Variants in ADGRB3 observed in about 807,000 individuals in gnomAD.
ADGRB3 encodes the protein brain-specific angiogenesis inhibitor 3.
ADGRB3 carries 37 observed loss-of-function variants against 193.4 expected under a neutral mutation model. That is an observed-to-expected ratio of 0.19 (90% CI 0.15 to 0.25). ADGRB3 has a LOEUF of 0.25. Among genes scored for constraint, ADGRB3 ranks in the 10% least tolerant of loss-of-function variants. ADGRB3 has a pLI of 1.00. For synonymous variants in ADGRB3, 690 were observed against 644.2 expected (o/e 1.07, Z -1.08); for missense variants, 1,637 against 1,852.9 (o/e 0.88, Z 2.14).
At chr6:69,135,889 G>A (rs572842038) in intron 17 of ADGRB3, among the ~76,000 whole-genome samples, 1 of 152,042 alleles carries the variant, frequency 6.6e-6, no homozygotes. Flanking sequence ...AACAGAAAAT[G>A]CTCCCTCTAC....
At chr6:69,036,874 G>T (rs1482422808) in intron 13 of ADGRB3, among the ~76,000 whole-genome samples, 1 of 152,122 alleles carries the variant, frequency 6.6e-6, no homozygotes, top group African/African-American at 2.4e-5. Flanking sequence ...TAGGAGCGCT[G>T]GCCAGCCATT....
At chr6:68,972,507 T>C (rs909263873) in intron 8 of ADGRB3, among the ~76,000 whole-genome samples, 1 of 152,150 alleles carries the variant, frequency 6.6e-6, no homozygotes, top group African/African-American at 2.4e-5. Context: ...GGATTCAATA[T>C]GTAATAAAGT....
At chr6:68,700,422 A>G (rs1041801695) in intron 3 of ADGRB3, among the ~76,000 whole-genome samples, 1 of 152,124 alleles carries the variant, frequency 6.6e-6, no homozygotes, top group South Asian at 2.1e-4. Flanking sequence ...AAACGGTTGG[A>G]ATCAATTTAG....
In ADGRB3 at chr6:68,753,632, G is replaced by A. The variant is rs374695938; in HGVS notation, c.757+114200G>A. Among the ~76,000 whole-genome samples, 8 of 152,190 alleles carry A rather than the reference G, an allele frequency of 5.3e-5. No homozygotes were observed. The East Asian group carries it at 5.8e-4, about 11-fold the overall frequency. ...TCTTTAATAGAGAGGGGCAAGTAAC[G>A]GGAATATGAAGAACGTGACAGACTG... On this transcript the variant is annotated intron_variant, in intron 3 of 31. Transcript: ENST00000370598.
chr6:69,113,211 G>T (rs951482338), intron 17 of ADGRB3, among the ~76,000 whole-genome samples: 1 of 151,676 alleles, frequency 6.6e-6, no homozygotes, highest in Non-Finnish European at 1.5e-5. Context: ...CTATACATAT[G>T]TATATGTACA....
At chr6:69,072,878 T>A (rs1002350781) in intron 16 of ADGRB3, among the ~76,000 whole-genome samples, 4 of 152,218 alleles carry the variant, frequency 2.6e-5, no homozygotes, top group Non-Finnish European at 2.9e-5. Context: ...ACAAGCTATA[T>A]GAAAAATTCA....
chr6:69,324,696 A>G (rs1768531263), intron 20 of ADGRB3, among the ~76,000 whole-genome samples, 176 bp from the exon 21 acceptor site: 1 of 152,174 alleles, frequency 6.6e-6, no homozygotes, highest in East Asian at 1.9e-4. Context: ...TAAATACTGT[A>G]TAGAGCATAA....
rs1166347810 is a variant in ADGRB3, at chr6:68,814,285, A to G, written c.758-116274A>G. ...GAGATGGTATCTCATTGTGCTTTTG[A>G]TTTGCATTTCTCTGATGGCCAGTGA... On this transcript the variant is annotated intron_variant, in intron 3 of 31. Transcript: ENST00000370598. Among the ~76,000 whole-genome samples, 6 of 152,016 alleles carry G rather than the reference A, an allele frequency of 3.9e-5. No homozygotes were observed. The East Asian group carries it at 1.2e-3, about 29-fold the overall frequency.
At chr6:68,940,765 G>A (rs777420902) in intron 5 of ADGRB3, among the ~76,000 whole-genome samples, 3 of 151,838 alleles carry the variant, frequency 2.0e-5, no homozygotes, top group Non-Finnish European at 2.9e-5. Flanking sequence ...GGTGCCGCGC[G>A]CCTGTAATCC....
intron 16 of ADGRB3, among the ~76,000 whole-genome samples, chr6:69,071,078 C>T (rs942328716): frequency 6.6e-6 from 1 of 152,172 alleles, no homozygotes; most frequent in Non-Finnish European, 1.5e-5. Flanking sequence ...ATCCTTGTAT[C>T]ACAGTGCCTT....
intron 10 of ADGRB3, among the ~76,000 whole-genome samples, chr6:68,993,514 G>T (rs976438585): frequency 1.3e-5 from 2 of 152,094 alleles, no homozygotes; most frequent in Admixed American, 6.6e-5. Context: ...CAAATGTGTT[G>T]AATTGTGTGT....
intron 3 of ADGRB3, among the ~76,000 whole-genome samples, chr6:68,769,631 T>G (rs940431576): frequency 3.9e-5 from 6 of 152,128 alleles, no homozygotes; most frequent in African/African-American, 1.4e-4. Flanking sequence ...GCCACGTGTA[T>G]ACCTATGTAA....
At chr6:69,261,798 T>A (rs1051556561) in intron 20 of ADGRB3, among the ~76,000 whole-genome samples, 3 of 152,034 alleles carry the variant, frequency 2.0e-5, no homozygotes, top group Non-Finnish European at 4.4e-5. Flanking sequence ...AGGAAAGTTT[T>A]ATGGTAGATA....
chr6:69,354,689 A>G (rs1302305199), intron 27 of ADGRB3, among the ~76,000 whole-genome samples: 2 of 152,226 alleles, frequency 1.3e-5, no homozygotes, highest in Non-Finnish European at 2.9e-5. Context: ...TCTTGGCCTT[A>G]GTGAAACATT....
chr6:69,281,227 A>G (rs894446496), intron 20 of ADGRB3, among the ~76,000 whole-genome samples: 3 of 152,108 alleles, frequency 2.0e-5, no homozygotes, highest in Admixed American at 6.5e-5. Flanking sequence ...GAGTGGTGAA[A>G]ACATCCTCTG....
chr6:69,075,901 G>A, intron 16 of ADGRB3, 94 bp from the exon 17 acceptor site: 1 of 933,498 alleles, frequency 1.1e-6, no homozygotes, highest in Non-Finnish European at 1.7e-6. Context: ...CACAAGATAA[G>A]AAATCTTCCA....
At chr6:69,157,881 G>A (rs1582506481) in intron 17 of ADGRB3, among the ~76,000 whole-genome samples, 1 of 152,176 alleles carries the variant, frequency 6.6e-6, no homozygotes. Context: ...TGCCATCATT[G>A]AGCTGCTGAA....
At chr6:68,860,320 T>C (rs1240998264) in intron 3 of ADGRB3, among the ~76,000 whole-genome samples, 3 of 152,352 alleles carry the variant, frequency 2.0e-5, no homozygotes, top group African/African-American at 7.2e-5. Context: ...TCTGGGCTTC[T>C]AGTGTACCCA....
chr6:69,014,315 A>T (rs1770027532), intron 12 of ADGRB3, among the ~76,000 whole-genome samples: 1 of 152,052 alleles, frequency 6.6e-6, no homozygotes, highest in African/African-American at 2.4e-5. Context: ...GTGCAAGTTT[A>T]AGCAACTTAA....
Sources: allele counts gnomAD v4.1 joint callset (sites outside exome capture counted in the v4.1 genomes callset), GRCh38; gene constraint gnomAD v4.1.1; transcripts MANE v1.5; gene names NCBI Gene and HGNC (gene_info 2026-07-23, HGNC 2026-07-21).